RIF1: variants seen among roughly 807,000 people sequenced by gnomAD.
RIF1 encodes the protein replication timing regulatory factor 1, also known as telomere-associated protein RIF1.
RIF1 carries 45 observed loss-of-function variants against 247.1 expected under a neutral mutation model. The observed-to-expected ratio is 0.18, with a 90% CI of 0.14 to 0.23. RIF1 has a LOEUF of 0.23. Among genes scored for constraint, RIF1 ranks in the 10% least tolerant of loss-of-function variants. The pLI is 1.00. For missense variants in RIF1, 2,967 were observed against 2,862.5 expected (o/e 1.04, Z -0.83); for synonymous variants, 1,087 against 978.8 (o/e 1.11, Z -2.06).
the RIF1 span, among the ~76,000 whole-genome samples, chr2:151,526,671 C>T: frequency 6.6e-6 from 1 of 152,186 alleles, no homozygotes; most frequent in Admixed American, 6.5e-5. Context: ...GTCCTAATTC[C>T]TGCTGTGTGA....
chr2:151,432,245 A>G (rs936567482), intron 9 of RIF1, among the ~76,000 whole-genome samples: 1 of 152,150 alleles, frequency 6.6e-6, no homozygotes. Flanking sequence ...CCTGACCTCA[A>G]GTGACCAACC....
At chr2:151,423,836 T>G (rs1294353061) in intron 8 of RIF1, 3 of 152,232 alleles carry the variant, frequency 2.0e-5, no homozygotes, top group African/African-American at 7.2e-5. Flanking sequence ...TAACCATTTG[T>G]AAATGAACAA....
chr2:151,526,055 T>C, the RIF1 span: 2 of 1,613,718 alleles, frequency 1.2e-6, no homozygotes, highest in East Asian at 2.2e-5. Flanking sequence ...CTTGACATGG[T>C]CCTTGTACTT....
At chr2:151,451,290 A>G (rs1372893511) in intron 20 of RIF1, among the ~76,000 whole-genome samples, 3 of 152,216 alleles carry the variant, frequency 2.0e-5, no homozygotes, top group Non-Finnish European at 4.4e-5. Flanking sequence ...TATAGTAACT[A>G]CACACCTATA....
chr2:151,427,479 G>A (rs1573928307), intron 8 of RIF1, among the ~76,000 whole-genome samples: 1 of 150,804 alleles, frequency 6.6e-6, no homozygotes, highest in East Asian at 2.0e-4. Flanking sequence ...CCAGAGTGCT[G>A]GGATTGCAGG....
intron 31 of RIF1, 124 bp downstream of exon 31, chr2:151,468,270 G>A (rs767399164): frequency 3.9e-6 from 4 of 1,029,650 alleles, no homozygotes; most frequent in Non-Finnish European, 5.6e-6. Flanking sequence ...ATATTCTTTT[G>A]TCTGGTACAC....
chr2:151,491,839 G>A, intron 9 of RIF1: 2 of 1,336,734 alleles, frequency 1.5e-6, no homozygotes, highest in Non-Finnish European at 1.0e-6. Context: ...TGAAAACCAA[G>A]GCATGAATTT....
intron 30 of RIF1, 30 bp downstream of exon 30, chr2:151,466,150 A>G (rs780765780): frequency 8.8e-6 from 12 of 1,370,366 alleles, no homozygotes; most frequent in Non-Finnish European, 1.2e-5. Context: ...ATATTAAGGA[A>G]CCCAGTATTT....
intron 11 of RIF1, chr2:151,499,645 G>A: frequency 9.9e-6 from 3 of 303,310 alleles, no homozygotes; most frequent in South Asian, 4.1e-5. Flanking sequence ...CAGGAATTAA[G>A]GAAAAAAATA....
downstream of RIF1, chr2:151,508,171 C>G (rs56805351): frequency 0.012 from 12,880 of 1,103,662 alleles, 237 homozygotes; most frequent in African/African-American, 0.067. Flanking sequence ...CCAATGGGAC[C>G]TAAAATAGGC....
chr2:151,506,107 C>T, intron 12 of RIF1: 2 of 1,388,058 alleles, frequency 1.4e-6, no homozygotes, highest in Non-Finnish European at 2.1e-6. Flanking sequence ...ACTCATAGGT[C>T]ATTGTAAATT....
chr2:151,501,031 G>A (rs959373719), intron 11 of RIF1, among the ~76,000 whole-genome samples: 1 of 152,160 alleles, frequency 6.6e-6, no homozygotes, highest in Non-Finnish European at 1.5e-5. Context: ...GTGGCTTCAA[G>A]TCCAGTATCT....
chr2:151,509,371 CTTTTA>C (rs939004521), downstream of RIF1, among the ~76,000 whole-genome samples: 3 of 152,126 alleles, frequency 2.0e-5, no homozygotes, highest in Admixed American at 6.6e-5. Context: ...AACAATCGTC[CTTTTA>C]TTTTATTTTT....
Position 151,467,850 on chromosome 2 carries a change from G to A in RIF1, c.6601-150G>A, listed in dbSNP as rs1249954894. On this transcript the variant is annotated intron_variant, in intron 30 of 35. Coordinates refer to ENST00000444746, the MANE Select transcript of RIF1 (RefSeq NM_018151.5). ...TATTGAGTTAATGTGATCTGTGAAGGCAGTCGCTAGGAACTGTGCAGCTGA... is the reference window on the plus strand; with the variant it reads ...TATTGAGTTAATGTGATCTGTGAAGACAGTCGCTAGGAACTGTGCAGCTGA... 6.6e-6 allele frequency: 4 copies of A among 607,800 alleles called. No individual in the cohort carries two copies. In the East Asian group the frequency reaches 8.5e-5, roughly 13 times the overall value. The allele number at this position is 607,800 out of a possible 1,614,324, so 37.7% of individuals were successfully genotyped here. A position where few individuals can be genotyped will look rare whatever the true frequency, so the allele number is the denominator to read the frequency against.
chr2:151,468,669 C>T lies in RIF1; in HGVS notation c.6854C>T (p.Pro2285Leu). ...LISEMAKESIPCPTESVYPPL... is the reference protein window; with the variant it reads ...LISEMAKESILCPTESVYPPL... ...TCAGAAATGGCCAAAGAATCCATAC[C>T]ATGCCCAACAGAAAGTGTTTACCCA... Residue 2285 changes from proline (P) to leucine (L), a missense_variant, in exon 33 of 36, where the codon CCA (proline) becomes CTA (leucine). This residue lies in a region of RIF1 where 2,028 missense variants were observed against 1,825.6 expected (regional missense o/e 1.11). Coordinates refer to ENST00000444746, the MANE Select transcript of RIF1 (RefSeq NM_018151.5). 2 of 1,613,960 alleles carry T rather than the reference C, an allele frequency of 1.2e-6. No homozygotes were observed. Among genetic ancestry groups the T allele is most frequent in the South Asian group, 2.2e-5 (2 of 91,078 alleles).
chr2:151,505,084 C>CA (rs1286365541), intron 12 of RIF1, among the ~76,000 whole-genome samples: 2 of 152,076 alleles, frequency 1.3e-5, no homozygotes, highest in Non-Finnish European at 2.9e-5. Flanking sequence ...TATATATACA[C>CA]AAAACCAAAG....
intron 12 of RIF1, 58 bp downstream of exon 12, chr2:151,437,061 TTGGGG>T: frequency 7.0e-7 from 1 of 1,437,930 alleles, no homozygotes; most frequent in East Asian, 2.3e-5. Flanking sequence ...ACTTAATGCA[TTGGGG>T]TGAGGAGAGG....
Position 151,430,666 on chromosome 2 carries a change from T to G in RIF1, c.925+1744T>G, listed in dbSNP as rs145775831. 2.3e-3 allele frequency among the ~76,000 whole-genome samples: 350 copies of G among 151,832 alleles called. 9 individuals are homozygous for G. In the East Asian group the frequency reaches 0.045, roughly 20 times the overall value. On this transcript the variant is annotated intron_variant, in intron 9 of 35. Coordinates refer to ENST00000444746, the MANE Select transcript of RIF1 (RefSeq NM_018151.5). The stretch of plus-strand genomic sequence containing the variant: ...ATACTGGTACATTTTGGGGGCATAG[T>G]TTCCCCCCCTCCCCCCACTTAGGGT...
At chr2:151,416,484 G>T in intron 4 of RIF1, 77 bp from the exon 5 acceptor site, 1 of 1,277,714 alleles carries the variant, frequency 7.8e-7, no homozygotes, top group Non-Finnish European at 1.1e-6. Context: ...TGAGTATATT[G>T]TTTTCTCTAG....
Sources: allele counts gnomAD v4.1 joint callset (sites outside exome capture counted in the v4.1 genomes callset), GRCh38; gene constraint gnomAD v4.1.1; regional missense constraint gnomAD v4.1.1; transcripts MANE v1.5; gene names NCBI Gene and HGNC (gene_info 2026-07-23, HGNC 2026-07-21).